ZNF267: variants seen among roughly 807,000 people sequenced by gnomAD.
ZNF267 encodes zinc finger protein 267.
In ZNF267, 61 loss-of-function variants were observed where a neutral mutation model predicts 71.6. The observed-to-expected ratio is 0.85, with a 90% CI of 0.69 to 1.05. The LOEUF is 1.05. Ranked by LOEUF, ZNF267 falls within the 50% of genes least tolerant of loss-of-function variation. The probability of loss-of-function intolerance (pLI) is 0.00; values close to 1 mark genes in which losing one functional copy is unlikely to be tolerated. For synonymous variants in ZNF267, 288 were observed against 293.2 expected, an observed-to-expected ratio of 0.98 and a Z score of 0.18; for missense variants, 852 against 870.0, an observed-to-expected ratio of 0.98 and a Z score of 0.26.
rs777225498 is a variant in ZNF267 at position 31,916,358 on chromosome 16, C to T, written c.2109C>T (p.Leu703=). The stretch of plus-strand genomic sequence containing the variant: ...AAGCCTTCAGCTATAGGTCATACCT[C>T]ACTACACATCGGAGAAGTCATAGTG... The part of the protein sequence containing the change: ...CGKAFSYRSY[L]TTHRRSHSGE... Residue 703 remains leucine (L), a synonymous_variant, in exon 4 of 4, where the codon CTC becomes CTT. Transcript: ENST00000300870. 6 of 1,613,782 alleles carry T rather than the reference C, an allele frequency of 3.7e-6. No homozygotes were observed. Among genetic ancestry groups the T allele is most frequent in the East Asian group, 2.2e-5 (1 of 44,804 alleles).
At chr16:31,898,042 C>T (rs1050477837) in intron 3 of ZNF267, among the ~76,000 whole-genome samples, 3 of 152,084 alleles carry the variant, frequency 2.0e-5, no homozygotes, top group Non-Finnish European at 2.9e-5. Context: ...TGGTTTTGTT[C>T]GTTTTTGCAT....
intron 3 of ZNF267, among the ~76,000 whole-genome samples, chr16:31,904,608 C>CA (rs1463709309): frequency 6.6e-6 from 1 of 152,070 alleles, no homozygotes; most frequent in African/African-American, 2.4e-5. Context: ...AGGATTGCAA[C>CA]CCTGCCTTTT....
At chr16:31,884,751 G>T in intron 2 of ZNF267, 127 bp downstream of exon 2, 1 of 1,008,148 alleles carries the variant, frequency 9.9e-7, no homozygotes, top group Non-Finnish European at 1.4e-6. Flanking sequence ...AAAAATAGGG[G>T]TTTTGTTGAA....
chr16:31,894,895 C>T lies in ZNF267; in HGVS notation c.226+9639C>T, dbSNP rs543975076. 3,360 of 385,996 alleles carry T rather than the reference C, an allele frequency of 8.7e-3. 187 individuals are homozygous for T. The highest frequency in any genetic ancestry group is 0.081 in the South Asian group (3,243 of 40,098). The allele number at this position is 385,996 out of a possible 1,614,324, so 23.9% of individuals were successfully genotyped here. A position where few individuals can be genotyped will look rare whatever the true frequency, so the allele number is the denominator to read the frequency against. On this transcript the variant is annotated intron_variant, in intron 3 of 3. Coordinates refer to ENST00000300870, the MANE Select transcript of ZNF267 (RefSeq NM_003414.6). ...AAGGAATCTCTTTCATGACCAACCT[C>T]GTGTGATTTCCCCTGGGTTAGTGCC...
At chr16:31,882,388 G>T (rs941917536) in intron 1 of ZNF267, among the ~76,000 whole-genome samples, 4 of 152,192 alleles carry the variant, frequency 2.6e-5, no homozygotes, top group Non-Finnish European at 5.9e-5. Context: ...AGTATTGGGC[G>T]TAAGGGACTC....
intron 3 of ZNF267, among the ~76,000 whole-genome samples, chr16:31,897,258 AAGTC>A (rs1378193284): frequency 6.6e-6 from 1 of 152,120 alleles, no homozygotes; most frequent in African/African-American, 2.4e-5. Context: ...TACAAAAAGA[AAGTC>A]AGTTCATTTA....
At chr16:31,880,157 G>T (rs111700548) in intron 1 of ZNF267, among the ~76,000 whole-genome samples, 102 of 152,260 alleles carry the variant, frequency 6.7e-4, no homozygotes, top group Admixed American at 4.3e-3. Flanking sequence ...GAAAATCCAG[G>T]GGACATTTTC....
At chr16:31,885,464 C>T (rs954686390) in intron 3 of ZNF267, among the ~76,000 whole-genome samples, 1 of 152,234 alleles carries the variant, frequency 6.6e-6, no homozygotes, top group African/African-American at 2.4e-5. Flanking sequence ...CTTCTGTGAT[C>T]CGCCATCATA....
At chr16:31,875,025 A>G in intron 1 of ZNF267, 1 of 872,750 alleles carries the variant, frequency 1.1e-6, no homozygotes, top group Non-Finnish European at 1.6e-6. Context: ...AAAGCAGAGA[A>G]TAAAAAATCC....
At chr16:31,874,207 C>T in intron 1 of ZNF267, 1 of 503,620 alleles carries the variant, frequency 2.0e-6, no homozygotes. Flanking sequence ...TCGTCCCTGG[C>T]CGGAGCCCTC....
At chr16:31,895,688 C>T (rs1452131630) in intron 3 of ZNF267, among the ~76,000 whole-genome samples, 1 of 152,134 alleles carries the variant, frequency 6.6e-6, no homozygotes, top group Non-Finnish European at 1.5e-5. Context: ...GTGAGGGGGT[C>T]CCACTGGGTT....
Position 31,914,552 on chromosome 16 carries a change from G to A in ZNF267, c.303G>A (p.Arg101=). 1 of 1,614,128 alleles carries A rather than the reference G, an allele frequency of 6.2e-7. No individual in the cohort carries two copies. Reference sequence around the variant, plus strand: ...CTTCATTCCAAAAAGTGATATCGAGGAGACATGGGAGCTGTGATCTTGAGA... The same window carrying A: ...CTTCATTCCAAAAAGTGATATCGAGAAGACATGGGAGCTGTGATCTTGAGA... ...TEASFQKVIS[R]RHGSCDLENL... is the part of the protein sequence containing the mutation. Residue 101 remains arginine (R), a synonymous_variant, in exon 4 of 4, where the codon AGG becomes AGA. Coordinates refer to ENST00000300870, the MANE Select transcript of ZNF267 (RefSeq NM_003414.6).
chr16:31,894,984 A>G (rs556881002), intron 3 of ZNF267: 10 of 322,470 alleles, frequency 3.1e-5, no homozygotes, highest in East Asian at 2.8e-4. Flanking sequence ...CAGACCATCA[A>G]TTGTTCAAAA....
At chr16:31,907,139 T>C (rs2084097883) in intron 3 of ZNF267, among the ~76,000 whole-genome samples, 1 of 152,180 alleles carries the variant, frequency 6.6e-6, no homozygotes, top group South Asian at 2.1e-4. Flanking sequence ...AGATTCTCTT[T>C]GTCACTTTTG....
chr16:31,907,209 C>G (rs562669632), intron 3 of ZNF267, among the ~76,000 whole-genome samples: 3 of 152,076 alleles, frequency 2.0e-5, no homozygotes, highest in Non-Finnish European at 4.4e-5. Flanking sequence ...GTTGGTTGAA[C>G]TTTAAATTTT....
intron 1 of ZNF267, among the ~76,000 whole-genome samples, chr16:31,875,594 C>T (rs1460099648): frequency 1.3e-5 from 2 of 152,176 alleles, no homozygotes; most frequent in Admixed American, 1.3e-4. Flanking sequence ...GTGGTGCAAA[C>T]TCGGCTGCGG....
At chr16:31,900,160 T>TA (rs879312814) in intron 3 of ZNF267, among the ~76,000 whole-genome samples, 15 of 148,128 alleles carry the variant, frequency 1.0e-4, no homozygotes, top group South Asian at 2.1e-4. Flanking sequence ...TCAGGTAAAT[T>TA]AAAAAAAAAA....
At chr16:31,893,508 T>C (rs1261440518) in intron 3 of ZNF267, among the ~76,000 whole-genome samples, 2 of 152,234 alleles carry the variant, frequency 1.3e-5, no homozygotes, top group African/African-American at 4.8e-5. Flanking sequence ...TATCGCATTG[T>C]TAGGCTGCAA....
rs2084166506 is a variant in ZNF267, at chr16:31,915,321, G to A, written c.1072G>A (p.Val358Ile). 4 of 1,613,760 alleles carry A rather than the reference G, an allele frequency of 2.5e-6. No individual in the cohort carries two copies. Among genetic ancestry groups the A allele is most frequent in the Admixed American group, 1.7e-5 (1 of 60,000 alleles). ...CTGTAAATGGAAAGAATGTGGCAAG[G>A]TCTTTAACCTTAACTGTAGTTTATA... Reference protein sequence around the residue: ...KPCKWKECGKVFNLNCSLYLT... With the variant: ...KPCKWKECGKIFNLNCSLYLT... Residue 358 changes from valine to isoleucine, a missense_variant, in exon 4 of 4, where the codon GTC (valine) becomes ATC (isoleucine). Transcript: ENST00000300870.
Sources: gnomAD v4.1 joint callset for allele counts (sites outside exome capture counted in the v4.1 genomes callset) on GRCh38, gnomAD v4.1.1 for gene constraint, MANE v1.5 for transcripts, NCBI Gene and HGNC (gene_info 2026-07-23, HGNC 2026-07-21) for gene names.